Variants in CSMD3 observed in about 807,000 individuals in gnomAD.
CSMD3 encodes the protein CUB and sushi domain-containing protein 3.
CSMD3 carries 177 observed loss-of-function variants against 435.2 expected under a neutral mutation model. The ratio of observed to expected loss-of-function variants is 0.41; its 90% CI spans 0.36 to 0.46. CSMD3 has a LOEUF of 0.46. CSMD3 is among the 20% of genes least tolerant of loss of function. The pLI, the probability that CSMD3 is intolerant of heterozygous loss-of-function variation, is 0.34. For synonymous variants in CSMD3, 1,656 were observed against 1,520.5 expected (o/e 1.09, Z -2.07); for missense variants, 4,265 against 4,504.6 (o/e 0.95, Z 1.52).
At chr8:112,255,702 T>C (rs752027743) in intron 61 of CSMD3, 14 of 423,818 alleles carry the variant, frequency 3.3e-5, no homozygotes, top group Non-Finnish European at 5.5e-5. Context: ...TTTGTCGTTT[T>C]GTATTGACCA....
chr8:112,535,704 G>A lies in CSMD3; in HGVS notation c.4564+14967C>T, dbSNP rs528963213. ...TTCATATGGAACCAAAAAAGAGCCC[G>A]CATCGCCAAGTCGATCCTAAGCCAA... is the stretch of plus-strand genomic sequence containing the variant. On this transcript the variant is annotated intron_variant, in intron 27 of 70. Coordinates refer to ENST00000297405, the MANE Select transcript of CSMD3 (RefSeq NM_198123.2). Among the ~76,000 whole-genome samples, 29 of 152,072 alleles carry A rather than the reference G, an allele frequency of 1.9e-4. No homozygotes were observed. In the East Asian group the frequency reaches 2.1e-3, roughly 11 times the overall value.
chr8:112,610,337 A>AAAAAT (rs1346485221), intron 22 of CSMD3, among the ~76,000 whole-genome samples: 2 of 150,792 alleles, frequency 1.3e-5, no homozygotes, highest in African/African-American at 4.9e-5. Flanking sequence ...CTAAAATTAA[A>AAAAAT]AAAAAAAAAC....
intron 10 of CSMD3, among the ~76,000 whole-genome samples, chr8:112,888,043 A>G (rs546950562): frequency 1.1e-4 from 16 of 151,824 alleles, no homozygotes; most frequent in Admixed American, 8.6e-4. Flanking sequence ...AACAAAAATA[A>G]CAAATATAAA....
At chr8:112,647,676 T>C (rs1340378224) in intron 19 of CSMD3, among the ~76,000 whole-genome samples, 2 of 152,176 alleles carry the variant, frequency 1.3e-5, no homozygotes, top group Non-Finnish European at 2.9e-5. Flanking sequence ...TTAATTGATC[T>C]ATCTCTTCCG....
chr8:113,103,490 A>G (rs1281238902), intron 4 of CSMD3, among the ~76,000 whole-genome samples: 1 of 152,152 alleles, frequency 6.6e-6, no homozygotes, highest in Non-Finnish European at 1.5e-5. Context: ...TAATGGGATC[A>G]ATAAAGACAA....
In CSMD3 at chr8:112,732,439, T is replaced by A. The variant is rs935171608; in HGVS notation, c.1973-42389A>T. 8.6e-5 allele frequency among the ~76,000 whole-genome samples: 13 copies of A among 151,988 alleles called. No homozygotes were observed. The South Asian group carries it at 2.3e-3, about 27-fold the overall frequency. Reference sequence around the variant, plus strand: ...AATTTGAGAAGACATGAATTAAAAATAGATATCGTGGCTGGGTGTGGTGGC... The same window carrying A: ...AATTTGAGAAGACATGAATTAAAAAAAGATATCGTGGCTGGGTGTGGTGGC... On this transcript the variant is annotated intron_variant, in intron 13 of 70. Coordinates refer to ENST00000297405, the MANE Select transcript of CSMD3 (RefSeq NM_198123.2).
intron 36 of CSMD3, among the ~76,000 whole-genome samples, chr8:112,387,868 G>A (rs932326345): frequency 6.6e-6 from 1 of 152,070 alleles, no homozygotes; most frequent in Non-Finnish European, 1.5e-5. Flanking sequence ...TCATTGATTC[G>A]TTCTAAAAAT....
chr8:112,335,373 T>C lies in CSMD3; in HGVS notation c.7121A>G (p.His2374Arg). 6.2e-7 allele frequency: 1 copy of C among 1,613,960 alleles called. No individual in the cohort carries two copies. Among genetic ancestry groups the C allele is most frequent in the South Asian group, 1.1e-5 (1 of 91,082 alleles). The change falls in exon 45 of 71, where the codon CAC (histidine) becomes CGC (arginine). Residue 2374 changes from histidine (H) to arginine (R), a missense_variant. By Grantham distance (29) the His-to-Arg change is conservative. Coordinates refer to ENST00000297405, the MANE Select transcript of CSMD3 (RefSeq NM_198123.2). ...AAAGCCACTTGTTGTGAAATCACTG[T>C]GGAATTTGATTAGAATCTGATTTGA... ...STSNQILIKF[H>R]SDFTTSGFFV...
intron 1 of CSMD3, among the ~76,000 whole-genome samples, chr8:113,430,786 T>C (rs944665150): frequency 1.3e-5 from 2 of 152,224 alleles, no homozygotes; most frequent in Non-Finnish European, 2.9e-5. Flanking sequence ...AGGTATATAA[T>C]ACATATGTTA....
intron 30 of CSMD3, among the ~76,000 whole-genome samples, chr8:112,494,159 C>T (rs1191754803): frequency 1.3e-5 from 2 of 151,976 alleles, no homozygotes; most frequent in East Asian, 3.8e-4. Flanking sequence ...TTAAGAAGAA[C>T]ACTATATATA....
chr8:112,752,422 A>G (rs973201857), intron 13 of CSMD3, among the ~76,000 whole-genome samples: 4 of 152,216 alleles, frequency 2.6e-5, no homozygotes, highest in Admixed American at 2.0e-4. Context: ...TGTCTCTCCT[A>G]CCTTCAGACT....
intron 22 of CSMD3, among the ~76,000 whole-genome samples, chr8:112,588,092 G>C (rs2131358231): frequency 6.6e-6 from 1 of 151,042 alleles, no homozygotes; most frequent in African/African-American, 2.4e-5. Context: ...AATAAACTAA[G>C]TTTTCTATCT....
chr8:112,827,206 T>TATAA (rs1564000450), intron 12 of CSMD3, among the ~76,000 whole-genome samples: 12 of 132,752 alleles, frequency 9.0e-5, no homozygotes, highest in African/African-American at 3.5e-4. Flanking sequence ...TATATATATA[T>TATAA]AATCTTTCTA....
intron 6 of CSMD3, among the ~76,000 whole-genome samples, chr8:113,006,489 C>T (rs1369741193): frequency 6.6e-6 from 1 of 151,888 alleles, no homozygotes; most frequent in Non-Finnish European, 1.5e-5. Context: ...ATGGGATTGC[C>T]CTGCTATAGG....
intron 6 of CSMD3, 71 bp downstream of exon 6, chr8:113,018,996 C>A: frequency 9.9e-7 from 1 of 1,005,854 alleles, no homozygotes; most frequent in Non-Finnish European, 1.6e-6. Context: ...ATTTTTCTAT[C>A]ACAAAACATA....
At chr8:112,461,205 G>A (rs1367215388) in intron 32 of CSMD3, among the ~76,000 whole-genome samples, 2 of 152,092 alleles carry the variant, frequency 1.3e-5, no homozygotes, top group Admixed American at 1.3e-4. Flanking sequence ...GATAGTGTCA[G>A]AAATGATGAC....
chr8:113,327,407 T>A lies in CSMD3; in HGVS notation c.179-12614A>T, dbSNP rs533580900. On this transcript the variant is annotated intron_variant, in intron 1 of 70. Transcript: ENST00000297405. ...CTATTTTTTCCAGAGCTATGGGATT[T>A]ATCCCAAATCTGGAATTAATATAAG... Among the ~76,000 whole-genome samples, 3 of 152,312 alleles carry A rather than the reference T, an allele frequency of 2.0e-5. No individual in the cohort carries two copies. In the East Asian group the frequency reaches 5.8e-4, roughly 29 times the overall value.
intron 47 of CSMD3, among the ~76,000 whole-genome samples, chr8:112,316,191 A>G (rs1482431637): frequency 6.6e-6 from 1 of 151,794 alleles, no homozygotes; most frequent in Non-Finnish European, 1.5e-5. Flanking sequence ...AAAATATAGT[A>G]TAGCTAAAGC....
At chr8:113,358,007 C>T (rs1346200557) in intron 1 of CSMD3, among the ~76,000 whole-genome samples, 2 of 152,152 alleles carry the variant, frequency 1.3e-5, no homozygotes, top group Non-Finnish European at 2.9e-5. Context: ...TGAGAACAGA[C>T]TAATACCGAG....
Sources: allele counts gnomAD v4.1 joint callset (sites outside exome capture counted in the v4.1 genomes callset), GRCh38; gene constraint gnomAD v4.1.1; transcripts MANE v1.5; gene names NCBI Gene and HGNC (gene_info 2026-07-23, HGNC 2026-07-21).